The following NLGN1 variants were observed in gnomAD, a reference collection of about 807,000 sequenced individuals.
NLGN1 encodes neuroligin-1.
Under a neutral mutation model 65.5 loss-of-function variants are expected in NLGN1, and 12 were observed. The ratio of observed to expected loss-of-function variants is 0.18; its 90% CI spans 0.12 to 0.30. NLGN1 has a LOEUF of 0.30. Ranked by LOEUF, NLGN1 falls within the 10% of genes least tolerant of loss-of-function variation. NLGN1 has a pLI of 1.00. For missense variants in NLGN1, 750 were observed against 1,007.1 expected, an observed-to-expected ratio of 0.74 and a Z score of 3.46; for synonymous variants, 350 against 359.5, an observed-to-expected ratio of 0.97 and a Z score of 0.30.
At chr3:174,000,958 A>G (rs1723169056) in intron 4 of NLGN1, among the ~76,000 whole-genome samples, 2 of 151,810 alleles carry the variant, frequency 1.3e-5, no homozygotes, top group Admixed American at 1.3e-4. Context: ...CCAGTCAAGG[A>G]CTCCATGTGT....
At chr3:173,475,274 A>G (rs987710557) in intron 2 of NLGN1, among the ~76,000 whole-genome samples, 1 of 151,848 alleles carries the variant, frequency 6.6e-6, no homozygotes, top group Non-Finnish European at 1.5e-5. Context: ...CAAGTTATTC[A>G]TATATGCTTT....
chr3:173,811,749 A>T (rs1485627666), intron 4 of NLGN1, among the ~76,000 whole-genome samples: 2 of 152,090 alleles, frequency 1.3e-5, no homozygotes, highest in East Asian at 3.8e-4. Context: ...AATATAAAAT[A>T]AGTCACTATT....
At chr3:173,589,398 G>A (rs750635546) in intron 2 of NLGN1, among the ~76,000 whole-genome samples, 2 of 152,134 alleles carry the variant, frequency 1.3e-5, no homozygotes, top group Non-Finnish European at 2.9e-5. Flanking sequence ...TGTAGGTGGT[G>A]CTTCATTAAT....
At chr3:173,776,708 C>A (rs1780348409) in intron 3 of NLGN1, among the ~76,000 whole-genome samples, 1 of 151,892 alleles carries the variant, frequency 6.6e-6, no homozygotes, top group Admixed American at 6.6e-5. Context: ...TGTTTATTTT[C>A]CTCCGTATAT....
chr3:174,291,601 AAAGAT>A (rs972927349), downstream of NLGN1, among the ~76,000 whole-genome samples: 2 of 151,354 alleles, frequency 1.3e-5, no homozygotes, highest in African/African-American at 4.8e-5. Flanking sequence ...GTAACATACA[AAAGAT>A]AAGACGTTAG....
chr3:173,857,365 C>G (rs1302585006), intron 4 of NLGN1, among the ~76,000 whole-genome samples: 1 of 152,092 alleles, frequency 6.6e-6, no homozygotes, highest in Non-Finnish European at 1.5e-5. Flanking sequence ...TAAATATCCC[C>G]AGCTTCATGG....
At chr3:174,155,708 A>G (rs1333852411) in intron 4 of NLGN1, among the ~76,000 whole-genome samples, 1 of 151,976 alleles carries the variant, frequency 6.6e-6, no homozygotes, top group Admixed American at 6.6e-5. Context: ...TTTAAAAATA[A>G]GCAAGAACAT....
chr3:174,264,860 T>C (rs368534675), intron 4 of NLGN1, among the ~76,000 whole-genome samples: 4 of 151,862 alleles, frequency 2.6e-5, no homozygotes, highest in Non-Finnish European at 4.4e-5. Flanking sequence ...GATGGGTTTT[T>C]GGTGTGGATG....
intron 3 of NLGN1, among the ~76,000 whole-genome samples, chr3:173,753,928 CATAATATAATATAATA>C (rs897532489): frequency 1.0e-5 from 1 of 96,562 alleles, no homozygotes. Context: ...CCAGTATCTA[CATAATATAATATAATA>C]ATAATATAAT....
At position 173,770,417 on chromosome 3, in the gene NLGN1, T is replaced by G. The variant is rs537612960; in HGVS notation, c.494-37263T>G. ...TACATCATAATTTCTGCCCTTGGCA[T>G]TTTAAAAAATTAATAGATTTTAAAA... On this transcript the variant is annotated intron_variant, in intron 3 of 6. Transcript: ENST00000457714. Among the ~76,000 whole-genome samples the G allele has an allele frequency of 1.8e-4, 28 of 152,218 alleles. 2 individuals are homozygous for G. Among genetic ancestry groups the G allele is most frequent in the Admixed American group, 1.8e-3 (28 of 15,272 alleles).
chr3:174,204,368 T>A (rs1735039728), intron 4 of NLGN1, among the ~76,000 whole-genome samples: 1 of 152,234 alleles, frequency 6.6e-6, no homozygotes, highest in African/African-American at 2.4e-5. Flanking sequence ...TAAAATGTGA[T>A]TAGCAAAAGC....
chr3:174,275,544 C>CAAAT lies in NLGN1; in HGVS notation c.859+18_859+21dup. On this transcript the variant is annotated intron_variant, in intron 5 of 6. Transcript: ENST00000457714. Reference sequence around the variant, plus strand: ...CAACCAAAGGTATTATGCAAGGTTGCAAATTTTGACAATTTTGGTGTCTGC... The same window carrying CAAAT: ...CAACCAAAGGTATTATGCAAGGTTGCAAATAAATTTTGACAATTTTGGTGTCTGC... 1 of 1,579,136 alleles carries CAAAT rather than the reference C, an allele frequency of 6.3e-7. No individual in the cohort carries two copies. Among genetic ancestry groups the CAAAT allele is most frequent in the Non-Finnish European group, 8.7e-7 (1 of 1,150,466 alleles).
chr3:173,551,782 T>G (rs1740905709), intron 2 of NLGN1, among the ~76,000 whole-genome samples: 1 of 152,174 alleles, frequency 6.6e-6, no homozygotes, highest in Admixed American at 6.5e-5. Context: ...CACAAGCTAC[T>G]TCACATCTCT....
At chr3:173,547,304 G>A (rs1048272987) in intron 2 of NLGN1, among the ~76,000 whole-genome samples, 2 of 152,024 alleles carry the variant, frequency 1.3e-5, no homozygotes, top group Admixed American at 6.6e-5. Context: ...GGATTATAGC[G>A]CATACTCTGA....
chr3:173,813,421 T>G (rs185781970), intron 4 of NLGN1, among the ~76,000 whole-genome samples: 1 of 152,316 alleles, frequency 6.6e-6, no homozygotes. Context: ...AATGCGTTCT[T>G]GAGATGTAGA....
intron 4 of NLGN1, among the ~76,000 whole-genome samples, chr3:173,985,092 C>A (rs1269944026): frequency 1.3e-5 from 2 of 152,176 alleles, no homozygotes. Context: ...AGGATGTTTG[C>A]TATCTCTTCT....
chr3:174,182,248 C>G (rs967924354), intron 4 of NLGN1, among the ~76,000 whole-genome samples: 1 of 152,110 alleles, frequency 6.6e-6, no homozygotes, highest in East Asian at 1.9e-4. Context: ...GCAATAACCT[C>G]TTAACTCGTC....
intron 4 of NLGN1, among the ~76,000 whole-genome samples, chr3:173,888,394 T>C (rs1734744522): frequency 6.6e-6 from 1 of 152,124 alleles, no homozygotes; most frequent in Non-Finnish European, 1.5e-5. Flanking sequence ...ATATAAATGC[T>C]ATATCAAGAG....
At chr3:173,756,189 A>G (rs1237640314) in intron 3 of NLGN1, among the ~76,000 whole-genome samples, 1 of 152,012 alleles carries the variant, frequency 6.6e-6, no homozygotes, top group African/African-American at 2.4e-5. Context: ...CAAATAAGCA[A>G]TTACTTTTAT....
Sources: allele counts gnomAD v4.1 joint callset (sites outside exome capture counted in the v4.1 genomes callset), GRCh38; gene constraint gnomAD v4.1.1; transcripts MANE v1.5; gene names NCBI Gene and HGNC (gene_info 2026-07-23, HGNC 2026-07-21).